Variants in ARHGAP23 observed in about 807,000 individuals in gnomAD.
ARHGAP23 encodes the protein Rho GTPase activating protein 23.
A neutral mutation model predicts 136.3 loss-of-function variants in ARHGAP23; 34 were observed. The observed-to-expected ratio is 0.25, with a 90% CI of 0.19 to 0.33. The LOEUF (loss-of-function observed/expected upper bound fraction) is 0.33, where lower values mean the gene tolerates loss of function less well. ARHGAP23 is among the 10% of genes least tolerant of loss of function. The pLI, the probability that ARHGAP23 is intolerant of heterozygous loss-of-function variation, is 1.00. For missense variants in ARHGAP23, 1,808 were observed against 2,139.0 expected, an observed-to-expected ratio of 0.85 and a Z score of 3.05; for synonymous variants, 832 against 920.5, an observed-to-expected ratio of 0.90 and a Z score of 1.74.
At chr17:38,429,921 C>A (rs1311549836) in intron 1 of ARHGAP23, among the ~76,000 whole-genome samples, 1 of 152,192 alleles carries the variant, frequency 6.6e-6, no homozygotes, top group African/African-American at 2.4e-5. Context: ...GCTCTCACTG[C>A]CATGTGCTCC....
chr17:38,429,520 T>C (rs2038641152), intron 1 of ARHGAP23, among the ~76,000 whole-genome samples: 1 of 152,236 alleles, frequency 6.6e-6, no homozygotes, highest in Non-Finnish European at 1.5e-5. Flanking sequence ...GCTGAAAGAC[T>C]TGGGGACCCT....
Position 38,477,553 on chromosome 17 carries a change from T to TC in ARHGAP23, c.2119-21dup. On this transcript the variant is annotated intron_variant, in intron 11 of 23. Transcript: ENST00000622683. The surrounding 1 kb of genome is among the most constrained non-coding windows in gnomAD (Gnocchi z 6.6). The stretch of plus-strand genomic sequence containing the variant: ...AAACTGGCCTCTCACCATTCCTGTC[T>TC]CCCCCAACCCCGTGTCTCCCTGCAG... The TC allele has an allele frequency of 8.0e-7, 1 of 1,253,626 alleles. No individual in the cohort carries two copies. The highest frequency in any genetic ancestry group is 2.5e-5 in the South Asian group (1 of 39,834). The allele number at this position is 1,253,626 out of a possible 1,614,324, so 77.7% of individuals were successfully genotyped here.
rs1480262899 is a variant in ARHGAP23, at chr17:38,469,911, G to A, written c.1974+7G>A. On this transcript the variant is annotated splice_region_variant and intron_variant, in intron 10 of 23. Coordinates refer to ENST00000622683, the MANE Select transcript of ARHGAP23 (RefSeq NM_001199417.2). ...GAGCTTCTTCACCGACGGGGTGAGA[G>A]CTGCAAGTGTGTGTGCGTGCGCAGG... 3.2e-6 allele frequency: 5 copies of A among 1,551,506 alleles called. No individual in the cohort carries two copies. The South Asian group carries it at 3.6e-5, about 11-fold the overall frequency.
intron 20 of ARHGAP23, among the ~76,000 whole-genome samples, chr17:38,495,606 T>C (rs1176935644): frequency 6.6e-6 from 1 of 152,162 alleles, no homozygotes; most frequent in Admixed American, 6.5e-5. Context: ...CTGGCCTTCC[T>C]GTGCTGTTTG....
Position 38,463,364 on chromosome 17 carries a change from C to T in ARHGAP23, c.465C>T (p.Asp155=), listed in dbSNP as rs949759545. The stretch of plus-strand genomic sequence containing the variant: ...TGGAGCTGTCTATCATGCCCAAGGA[C>T]GAGGACATCCTCCAGCTGGTGAGTC... ...DTLELSIMPK[D]EDILQLAYSQ... is the part of the protein sequence containing the mutation. Residue 155 remains aspartate, a synonymous_variant, in exon 6 of 24, where the codon GAC becomes GAT. Coordinates refer to ENST00000622683, the MANE Select transcript of ARHGAP23 (RefSeq NM_001199417.2). The T allele has an allele frequency of 2.5e-5, 39 of 1,551,550 alleles. No homozygotes were observed. Among genetic ancestry groups the T allele is most frequent in the African/African-American group, 6.8e-5 (5 of 73,032 alleles).
intron 12 of ARHGAP23, among the ~76,000 whole-genome samples, chr17:38,478,446 G>T (rs1299988254): frequency 6.8e-6 from 1 of 147,216 alleles, no homozygotes; most frequent in Admixed American, 6.9e-5. Context: ...GCAGAGTCTC[G>T]CTCTGTTGCC....
intron 3 of ARHGAP23, among the ~76,000 whole-genome samples, chr17:38,462,247 C>CTTTT (rs59822011): frequency 1.1e-4 from 5 of 46,880 alleles, no homozygotes; most frequent in Admixed American, 3.7e-4. Flanking sequence ...CGCACCCGGC[C>CTTTT]TTTTTTTTTT....
rs979117499 is a variant in ARHGAP23, at chr17:38,511,853, C to T, written c.*881C>T. ...CAGGCACACAGAAGCCCACCTTCTT[C>T]CCCTTAGGAGGAGGGATAGTCAACA... On this transcript the variant is annotated 3_prime_UTR_variant, in exon 24 of 24. Transcript: ENST00000622683. 14 of 152,264 alleles carry T rather than the reference C, an allele frequency of 9.2e-5. No individual in the cohort carries two copies. The highest frequency in any genetic ancestry group is 3.1e-4 in the African/African-American group (13 of 41,438). 9.4% of individuals were successfully genotyped at this position (152,264 alleles called of 1,614,324 possible). A position where few individuals can be genotyped will look rare whatever the true frequency, so the allele number is the denominator to read the frequency against.
Position 38,510,609 on chromosome 17 carries a change from G to C in ARHGAP23, c.4113G>C (p.Ala1371=), listed in dbSNP as rs535700675. 1.5e-5 allele frequency: 19 copies of C among 1,296,916 alleles called. No individual in the cohort carries two copies. In the South Asian group the frequency reaches 4.1e-4, roughly 28 times the overall value. 80.3% of individuals were successfully genotyped at this position (1,296,916 alleles called of 1,614,324 possible). A position where few individuals can be genotyped will look rare whatever the true frequency, so the allele number is the denominator to read the frequency against. The part of the protein sequence containing the change: ...ALASRPSRME[A]LRLRLRGTAD... ...CCTCCCGGCCCTCGCGCATGGAGGC[G>C]CTGCGTCTAAGGCTCCGCGGCACGG... Residue 1371 remains alanine (A), a synonymous_variant, in exon 24 of 24, where the codon GCG becomes GCC. Transcript: ENST00000622683. This position sits in a 1 kb window ranked among gnomAD's most constrained non-coding sequence, Gnocchi z 4.6.
At chr17:38,421,540 T>C (rs1187126946) in intron 1 of ARHGAP23, among the ~76,000 whole-genome samples, 3 of 152,250 alleles carry the variant, frequency 2.0e-5, no homozygotes, top group African/African-American at 7.2e-5. Flanking sequence ...CTGAGCCCTC[T>C]TGTAAAGCAA....
chr17:38,455,405 A>G (rs2039298987), intron 1 of ARHGAP23, among the ~76,000 whole-genome samples: 1 of 152,102 alleles, frequency 6.6e-6, no homozygotes, highest in South Asian at 2.1e-4. Context: ...AGAGGTAGAG[A>G]TAAGGGAGGG....
At chr17:38,497,571 C>A (rs1490792880) in intron 20 of ARHGAP23, among the ~76,000 whole-genome samples, 1 of 152,228 alleles carries the variant, frequency 6.6e-6, no homozygotes, top group Non-Finnish European at 1.5e-5. Context: ...TGGGGTCCCA[C>A]CTTTTCTCTC....
chr17:38,467,465 A>AT (rs2039638547), intron 7 of ARHGAP23, 134 bp downstream of exon 7: 5 of 748,810 alleles, frequency 6.7e-6, no homozygotes, highest in Non-Finnish European at 1.0e-5. Flanking sequence ...TTCTCTGTCA[A>AT]TTCATTCATC....
chr17:38,425,267 G>A (rs1311216689), upstream of ARHGAP23, among the ~76,000 whole-genome samples: 2 of 152,112 alleles, frequency 1.3e-5, no homozygotes, highest in Non-Finnish European at 2.9e-5. Flanking sequence ...GCCGGAGCCT[G>A]CTCTCTCTCC....
intron 12 of ARHGAP23, 122 bp from the exon 13 acceptor site, chr17:38,479,310 TCTCA>T: frequency 2.9e-6 from 2 of 679,590 alleles, no homozygotes; most frequent in Non-Finnish European, 5.2e-6. Flanking sequence ...GCCTGGTCTT[TCTCA>T]CTCCAGGGTC....
intron 20 of ARHGAP23, 117 bp downstream of exon 20, chr17:38,491,649 T>C: frequency 2.2e-6 from 3 of 1,371,058 alleles, no homozygotes; most frequent in Non-Finnish European, 3.0e-6. Flanking sequence ...TCGGCAGCTT[T>C]AGAGCATGCT....
intron 16 of ARHGAP23, among the ~76,000 whole-genome samples, chr17:38,485,317 G>A (rs1339093205): frequency 6.6e-6 from 1 of 152,112 alleles, no homozygotes; most frequent in Non-Finnish European, 1.5e-5. Context: ...GAGTTTGGGG[G>A]ACAAAATTGC....
At chr17:38,499,337 A>G (rs1460622760) in intron 22 of ARHGAP23, among the ~76,000 whole-genome samples, 1 of 152,126 alleles carries the variant, frequency 6.6e-6, no homozygotes, top group Admixed American at 6.5e-5. Flanking sequence ...CTTTATCTCT[A>G]ACTCCTGCCT....
At chr17:38,485,739 A>G (rs1186391932) in intron 16 of ARHGAP23, among the ~76,000 whole-genome samples, 6 of 152,202 alleles carry the variant, frequency 3.9e-5, no homozygotes, top group Admixed American at 2.6e-4. Flanking sequence ...CTGCTGTGTC[A>G]CGGATGCTTA....
Sources: allele counts gnomAD v4.1 joint callset (sites outside exome capture counted in the v4.1 genomes callset), GRCh38; gene constraint gnomAD v4.1.1; non-coding constraint Gnocchi (gnomAD v3.1); transcripts MANE v1.5; gene names NCBI Gene and HGNC (gene_info 2026-07-23, HGNC 2026-07-21).